Variants in ZNF793 observed in about 807,000 individuals in gnomAD.
ZNF793 encodes zinc finger protein 793.
A neutral mutation model predicts 12.4 loss-of-function variants in ZNF793; 5 were observed. That is an observed-to-expected ratio of 0.40 (90% CI 0.21 to 0.84). The LOEUF (loss-of-function observed/expected upper bound fraction) is 0.84. Among genes scored for constraint, ZNF793 ranks in the 40% least tolerant of loss-of-function variants. The probability of loss-of-function intolerance (pLI) is 0.35; values close to 1 mark genes in which losing one functional copy is unlikely to be tolerated. For synonymous variants in ZNF793, 162 were observed against 172.4 expected (o/e 0.94, Z 0.47); for missense variants, 456 against 495.0 (o/e 0.92, Z 0.75).
At chr19:37,510,702 CTTT>C (rs879328259) in intron 2 of ZNF793, among the ~76,000 whole-genome samples, 1 of 139,438 alleles carries the variant, frequency 7.2e-6, no homozygotes, top group African/African-American at 2.6e-5. Flanking sequence ...AAATTCTTTT[CTTT>C]TTTTTTTTTG....
rs148457624 is a variant in ZNF793, at chr19:37,537,985, T to C, written c.*106T>C. 1,544 of 1,322,494 alleles carry C rather than the reference T, an allele frequency of 1.2e-3. 2 individuals are homozygous for C. Among genetic ancestry groups the C allele is most frequent in the African/African-American group, 3.7e-3 (249 of 66,872 alleles). The allele number at this position is 1,322,494 out of a possible 1,614,324, so 81.9% of individuals were successfully genotyped here. The stretch of plus-strand genomic sequence containing the variant: ...GGAGTGCAGTGGCGCGATCTCGGCT[T>C]ACTGCAAGCTCTGCCTCCCGGGTTC... On this transcript the variant is annotated 3_prime_UTR_variant, in exon 8 of 8. Coordinates refer to ENST00000627814, the MANE Select transcript of ZNF793 (RefSeq NM_001013659.3).
chr19:37,508,182 T>C (rs1404711401), intron 1 of ZNF793, 83 bp from the exon 2 acceptor site: 2 of 152,216 alleles, frequency 1.3e-5, no homozygotes, highest in Admixed American at 6.5e-5. Flanking sequence ...GCTAAACTTA[T>C]CTAAAGTAAC....
At chr19:37,534,440 C>T (rs2042487204) in intron 7 of ZNF793, 1 of 152,112 alleles carries the variant, frequency 6.6e-6, no homozygotes, top group Admixed American at 6.6e-5. Context: ...CTTTGTGTGT[C>T]AAAAACTAAA....
intron 2 of ZNF793, among the ~76,000 whole-genome samples, chr19:37,517,108 C>G (rs1365337433): frequency 4.6e-5 from 7 of 152,180 alleles, no homozygotes; most frequent in African/African-American, 1.7e-4. Context: ...CTGATTTTAT[C>G]TGCCACACTT....
intron 5 of ZNF793, among the ~76,000 whole-genome samples, chr19:37,530,839 C>A (rs539187985): frequency 6.6e-6 from 1 of 152,222 alleles, no homozygotes; most frequent in South Asian, 2.1e-4. Context: ...TTGTATCTGT[C>A]ATTTTAGTGT....
At position 37,538,133 on chromosome 19, in the gene ZNF793, T is replaced by G. The variant is rs578176487; in HGVS notation, c.*254T>G. ...GGTTTCACCGTGTTAGCCAGGATGG[T>G]CTCGATCTCCTGACCTTGTGATCTG... On this transcript the variant is annotated 3_prime_UTR_variant, in exon 8 of 8. Transcript: ENST00000627814. The G allele has an allele frequency of 8.3e-6, 3 of 360,182 alleles. No homozygotes were observed. The highest frequency in any genetic ancestry group is 5.1e-6 in the Non-Finnish European group (1 of 197,982). 22.3% of individuals were successfully genotyped at this position (360,182 alleles called of 1,614,324 possible). A position where few individuals can be genotyped will look rare whatever the true frequency, so the allele number is the denominator to read the frequency against.
chr19:37,534,638 T>A (rs2042489816), intron 7 of ZNF793: 1 of 152,072 alleles, frequency 6.6e-6, no homozygotes, highest in African/African-American at 2.4e-5. Flanking sequence ...GTGGTTTTGT[T>A]GATTTTTTTT....
intron 5 of ZNF793, among the ~76,000 whole-genome samples, chr19:37,526,319 C>T (rs1205844013): frequency 2.0e-5 from 3 of 151,952 alleles, no homozygotes; most frequent in Non-Finnish European, 4.4e-5. Flanking sequence ...TACTATATTA[C>T]CCAGGCTGGT....
Position 37,537,104 on chromosome 19 carries a change from A to C in ZNF793, c.446A>C (p.Asn149Thr). The C allele has an allele frequency of 6.2e-7, 1 of 1,613,578 alleles. No homozygotes were observed. The highest frequency in any genetic ancestry group is 8.5e-7 in the Non-Finnish European group (1 of 1,179,628). Reference protein sequence around the residue: ...WNPCGKNLNHNLDLIGFKRNC... With the variant: ...WNPCGKNLNHTLDLIGFKRNC... ...CCTTGTGGAAAGAATTTGAACCATA[A>C]TTTAGACTTGATTGGTTTTAAGAGA... Residue 149 changes from asparagine to threonine, a missense_variant, in exon 8 of 8, where the codon AAT becomes ACT. Asn to Thr is a moderately conservative substitution (Grantham distance 65, BLOSUM62 0). Transcript: ENST00000627814.
intron 2 of ZNF793, among the ~76,000 whole-genome samples, chr19:37,514,749 A>G (rs1045719512): frequency 2.0e-5 from 3 of 152,156 alleles, no homozygotes; most frequent in South Asian, 2.1e-4. Context: ...CAACCTTCTT[A>G]TGAATGTACA....
chr19:37,515,372 A>G (rs1475478115), intron 2 of ZNF793, among the ~76,000 whole-genome samples: 1 of 151,684 alleles, frequency 6.6e-6, no homozygotes, highest in Non-Finnish European at 1.5e-5. Context: ...CAGTGGCGCA[A>G]TCTCAGCTCA....
intron 2 of ZNF793, among the ~76,000 whole-genome samples, chr19:37,516,245 C>G (rs1161685428): frequency 2.0e-5 from 3 of 152,212 alleles, no homozygotes. Context: ...GGCGATTCTT[C>G]TGCCTCAGCC....
intron 5 of ZNF793, among the ~76,000 whole-genome samples, chr19:37,529,362 C>T (rs1311623376): frequency 1.3e-5 from 2 of 152,152 alleles, no homozygotes; most frequent in African/African-American, 4.8e-5. Context: ...TTTCCTCTCA[C>T]GTCCCTCCAG....
intron 2 of ZNF793, among the ~76,000 whole-genome samples, chr19:37,516,323 C>A (rs1011440144): frequency 3.3e-5 from 5 of 151,960 alleles, no homozygotes; most frequent in African/African-American, 9.7e-5. Flanking sequence ...TTAGTAGAGA[C>A]GGGGTTTCAC....
chr19:37,529,975 T>G (rs1568324453), intron 5 of ZNF793, among the ~76,000 whole-genome samples: 1 of 151,786 alleles, frequency 6.6e-6, no homozygotes, highest in Non-Finnish European at 1.5e-5. Context: ...CCTTAGTATT[T>G]ATTGATCATT....
chr19:37,513,605 A>G (rs2042309464), intron 2 of ZNF793, among the ~76,000 whole-genome samples: 1 of 152,218 alleles, frequency 6.6e-6, no homozygotes, highest in Non-Finnish European at 1.5e-5. Flanking sequence ...TCTGGGTTCC[A>G]CTCTGGGCCA....
intron 5 of ZNF793, among the ~76,000 whole-genome samples, chr19:37,527,754 TAGA>T (rs2042427428): frequency 1.3e-5 from 2 of 152,224 alleles, no homozygotes; most frequent in African/African-American, 4.8e-5. Context: ...TCTAATTTAC[TAGA>T]AGGACTCATA....
At chr19:37,530,468 C>T (rs892623458) in intron 5 of ZNF793, among the ~76,000 whole-genome samples, 11 of 152,110 alleles carry the variant, frequency 7.2e-5, no homozygotes, top group African/African-American at 2.7e-4. Flanking sequence ...GAGGTCCCTG[C>T]GGCCTTCTGT....
Position 37,541,947 on chromosome 19 carries a change from C to T in ZNF793, c.*4068C>T, listed in dbSNP as rs1353693583. On this transcript the variant is annotated 3_prime_UTR_variant, in exon 8 of 8. Transcript: ENST00000627814. Reference sequence around the variant, plus strand: ...ATGGACCTGTCCAAAAATGTTTATCCTCAGTAGTCACTGGGGGATGCAGAT... The same window carrying T: ...ATGGACCTGTCCAAAAATGTTTATCTTCAGTAGTCACTGGGGGATGCAGAT... 1.3e-5 allele frequency: 2 copies of T among 152,280 alleles called. No homozygotes were observed. Among genetic ancestry groups the T allele is most frequent in the South Asian group, 2.1e-4 (1 of 4,832 alleles). 9.4% of individuals were successfully genotyped at this position (152,280 alleles called of 1,614,324 possible).
Sources: gnomAD v4.1 joint callset for allele counts (sites outside exome capture counted in the v4.1 genomes callset) on GRCh38, gnomAD v4.1.1 for gene constraint, MANE v1.5 for transcripts, NCBI Gene and HGNC (gene_info 2026-07-23, HGNC 2026-07-21) for gene names.